TERT: variants seen among roughly 807,000 people sequenced by gnomAD.
The protein encoded by TERT is telomerase catalytic subunit.
A neutral mutation model predicts 104.0 loss-of-function variants in TERT; 42 were observed. The observed-to-expected ratio is 0.40, with a 90% CI of 0.32 to 0.52. TERT has a LOEUF of 0.52. TERT is among the 20% of genes least tolerant of loss of function. The pLI, the probability that TERT is intolerant of heterozygous loss-of-function variation, is 0.43. For synonymous variants in TERT, 781 were observed against 725.6 expected, an observed-to-expected ratio of 1.08 and a Z score of -1.23; for missense variants, 1,101 against 1,610.3, an observed-to-expected ratio of 0.68 and a Z score of 5.41.
rs568561024 is a variant in TERT, at chr5:1,268,952, G to A, written c.2469-319C>T. 7.9e-5 allele frequency among the ~76,000 whole-genome samples: 12 copies of A among 151,780 alleles called. No homozygotes were observed. In the East Asian group the frequency reaches 9.7e-4, roughly 12 times the overall value. On this transcript the variant is annotated intron_variant, in intron 8 of 15. Coordinates refer to ENST00000310581, the MANE Select transcript of TERT (RefSeq NM_198253.3). The surrounding 1 kb of genome is among the most constrained non-coding windows in gnomAD (Gnocchi z 5.5). ...ATTCACAGAACCAGACACTTGACCC[G>A]GAATGAATGCTTAACCGGACTCCTT...
At chr5:1,254,937 T>C (rs34630753) in intron 14 of TERT, among the ~76,000 whole-genome samples, 161 of 152,162 alleles carry the variant, frequency 1.1e-3, no homozygotes, top group South Asian at 4.6e-3. Context: ...ACAAGGGCCC[T>C]AAGTGCCATG....
At position 1,278,815 on chromosome 5, in the gene TERT, G is replaced by A; in HGVS notation, c.2131-19C>T. The A allele has an allele frequency of 1.9e-6, 3 of 1,613,626 alleles. No individual in the cohort carries two copies. Among genetic ancestry groups the A allele is most frequent in the Non-Finnish European group, 1.7e-6 (2 of 1,180,022 alleles). On this transcript the variant is annotated intron_variant, in intron 5 of 15. Transcript: ENST00000310581. Reference sequence around the variant, plus strand: ...CATCCACCTGTGTGAGTGGAGGCGAGGAGACTGACAGTGGCCACGCAGAAA... The same window carrying A: ...CATCCACCTGTGTGAGTGGAGGCGAAGAGACTGACAGTGGCCACGCAGAAA...
At position 1,253,667 on chromosome 5, in the gene TERT, A is replaced by G. The variant is rs1198015833; in HGVS notation, c.*61T>C. ...GGCCGCCCCTCCCTCCCTGGGACGT[A>G]GAGCCCGGCGTGACAGGGCTGCTGG... On this transcript the variant is annotated 3_prime_UTR_variant, in exon 16 of 16. Transcript: ENST00000310581. 6 of 1,445,918 alleles carry G rather than the reference A, an allele frequency of 4.1e-6. No individual in the cohort carries two copies. The African/African-American group carries it at 8.3e-5, about 20-fold the overall frequency. 89.6% of individuals were successfully genotyped at this position (1,445,918 alleles called of 1,614,324 possible). A position where few individuals can be genotyped will look rare whatever the true frequency, so the allele number is the denominator to read the frequency against.
At position 1,278,809 on chromosome 5, in the gene TERT, A is replaced by G; in HGVS notation, c.2131-13T>C. 6 of 1,613,692 alleles carry G rather than the reference A, an allele frequency of 3.7e-6. No individual in the cohort carries two copies. The highest frequency in any genetic ancestry group is 5.1e-6 in the Non-Finnish European group (6 of 1,180,026). On this transcript the variant is annotated splice_polypyrimidine_tract_variant and intron_variant, in intron 5 of 15. Transcript: ENST00000310581. ...CCGTCACATCCACCTGTGTGAGTGG[A>G]GGCGAGGAGACTGACAGTGGCCACG...
Position 1,268,626 on chromosome 5 carries a change from C to T in TERT, c.2476G>A (p.Val826Ile), listed in dbSNP as rs1060503009. 11 of 1,611,534 alleles carry T rather than the reference C, an allele frequency of 6.8e-6. No individual in the cohort carries two copies. Among genetic ancestry groups the T allele is most frequent in the Middle Eastern group, 1.6e-4 (1 of 6,082 alleles). The change falls in exon 9 of 16, where the codon GTC (valine) becomes ATC (isoleucine). Residue 826 changes from valine to isoleucine, a missense_variant. Coordinates refer to ENST00000310581, the MANE Select transcript of TERT (RefSeq NM_198253.3). This position sits in a 1 kb window ranked among gnomAD's most constrained non-coding sequence, Gnocchi z 5.5. ...HAVRIRGKSY[V>I]QCQGIPQGSI... ...CCCTGCGGGATCCCCTGGCACTGGA[C>T]GTAGGACCTGGGGCGGGAAGACACA...
intron 3 of TERT, 70 bp downstream of exon 3, chr5:1,282,359 G>T: frequency 1.3e-6 from 2 of 1,525,946 alleles, no homozygotes; most frequent in Non-Finnish European, 1.8e-6. Flanking sequence ...AGTGGAGACA[G>T]GCGCATGCTG....
At chr5:1,291,925 A>C (rs1022986289) in intron 2 of TERT, among the ~76,000 whole-genome samples, 1 of 152,218 alleles carries the variant, frequency 6.6e-6, no homozygotes, top group Non-Finnish European at 1.5e-5. Flanking sequence ...CATGACGCTT[A>C]TCTGACTCGG....
At chr5:1,281,382 A>AC (rs1750011213) in intron 3 of TERT, among the ~76,000 whole-genome samples, 1 of 151,544 alleles carries the variant, frequency 6.6e-6, no homozygotes, top group South Asian at 2.1e-4. Context: ...GATTTGGGGC[A>AC]TGGGGTGTCA....
In TERT at chr5:1,265,780, T is replaced by G. The variant is rs551954576; in HGVS notation, c.2654+684A>C. On this transcript the variant is annotated intron_variant, in intron 10 of 15. Coordinates refer to ENST00000310581, the MANE Select transcript of TERT (RefSeq NM_198253.3). The surrounding 1 kb of genome is among the most constrained non-coding windows in gnomAD (Gnocchi z 6.9). The stretch of plus-strand genomic sequence containing the variant: ...GGTTCCCTTTACAGCTTTCAAGGTT[T>G]CTCGTCCCTCGTCAAATCGCACTTT... 3.9e-5 allele frequency among the ~76,000 whole-genome samples: 6 copies of G among 152,240 alleles called. No homozygotes were observed. The East Asian group carries it at 1.2e-3, about 29-fold the overall frequency.
intron 2 of TERT, among the ~76,000 whole-genome samples, chr5:1,289,431 C>A (rs1750723580): frequency 9.0e-6 from 1 of 111,184 alleles, no homozygotes; most frequent in Non-Finnish European, 1.9e-5. Context: ...GCGCCTCACT[C>A]ACCCTACACG....
At chr5:1,283,081 C>A in intron 2 of TERT, 1 of 318,660 alleles carries the variant, frequency 3.1e-6, no homozygotes, top group South Asian at 2.5e-5. Context: ...TACAGCACAT[C>A]CAGCTCACCG....
chr5:1,275,521 C>T (rs1457570619), intron 6 of TERT, among the ~76,000 whole-genome samples: 1 of 152,062 alleles, frequency 6.6e-6, no homozygotes, highest in Non-Finnish European at 1.5e-5. Context: ...CCACACACCA[C>T]AGCAGGCACC....
chr5:1,266,633 A>G, intron 9 of TERT, 98 bp from the exon 10 acceptor site: 1 of 1,015,034 alleles, frequency 9.9e-7, no homozygotes, highest in African/African-American at 1.6e-5. Flanking sequence ...CACAGCCATA[A>G]ATAAAGTAAC....
Position 1,270,431 on chromosome 5 carries a change from C to T in TERT, c.2468+688G>A, listed in dbSNP as rs7447741. ...CACTCTCCCCAGGCACACACAGGGT[C>T]GCAGGCAGATGCCTGCCGGGAGGTG... On this transcript the variant is annotated intron_variant, in intron 8 of 15. Coordinates refer to ENST00000310581, the MANE Select transcript of TERT (RefSeq NM_198253.3). This position sits in a 1 kb window ranked among gnomAD's most constrained non-coding sequence, Gnocchi z 8.3. 2.4e-4 allele frequency among the ~76,000 whole-genome samples: 36 copies of T among 152,162 alleles called. No individual in the cohort carries two copies. Among genetic ancestry groups the T allele is most frequent in the African/African-American group, 8.2e-4 (34 of 41,446 alleles).
intron 14 of TERT, 56 bp from the exon 15 acceptor site, chr5:1,254,561 A>G: frequency 6.4e-7 from 1 of 1,562,308 alleles, no homozygotes; most frequent in African/African-American, 1.4e-5. Context: ...CCCTCCCAGG[A>G]GACACCGGAA....
rs929765993 is a variant in TERT at position 1,260,570 on chromosome 5, G to T, written c.2874C>A (p.Leu958=). 3 of 1,614,160 alleles carry T rather than the reference G, an allele frequency of 1.9e-6. No individual in the cohort carries two copies. The highest frequency in any genetic ancestry group is 1.1e-5 in the South Asian group (1 of 91,072). Reference sequence around the variant, plus strand: ...CAGCCTTGAAGCCGCGGTTGAAGGTGAGACTGGCTCTGATGGAGGTCCGGG... The same window carrying T: ...CAGCCTTGAAGCCGCGGTTGAAGGTTAGACTGGCTCTGATGGAGGTCCGGG... ...SYARTSIRAS[L]TFNRGFKAGR... is the part of the protein sequence containing the mutation. The change falls in exon 12 of 16, where the codon CTC becomes CTA. Residue 958 remains leucine (L), a synonymous_variant. Transcript: ENST00000310581.
rs2050231340 is a variant in TERT at position 1,268,410 on chromosome 5, C to T, written c.2582+110G>A. On this transcript the variant is annotated intron_variant, in intron 9 of 15. Transcript: ENST00000310581. This position sits in a 1 kb window ranked among gnomAD's most constrained non-coding sequence, Gnocchi z 5.5. ...GAAGGGGCTGCAACCTTGTCTGGTT[C>T]CTCAAGACAGAGCAGTCATGGTCTC... 3.5e-6 allele frequency: 3 copies of T among 865,566 alleles called. No homozygotes were observed. The highest frequency in any genetic ancestry group is 2.1e-5 in the Admixed American group (1 of 47,800). The allele number at this position is 865,566 out of a possible 1,614,324, so 53.6% of individuals were successfully genotyped here.
Position 1,293,554 on chromosome 5 carries a change from G to T in TERT, c.1332C>A (p.Asp444Glu), listed in dbSNP as rs748983668. The change falls in exon 2 of 16, where the codon GAC becomes GAA. Residue 444 changes from aspartate to glutamate, a missense_variant. Physicochemically the swap from Asp to Glu is conservative, Grantham distance 45. Transcript: ENST00000310581. The part of the protein sequence containing the change: ...SVAAPEEEDT[D>E]PRRLVQLLRQ... Reference sequence around the variant, plus strand: ...GGAGCAGCTGCACCAGGCGACGGGGGTCTGTGTCCTCCTCCTCGGGGGCCG... The same window carrying T: ...GGAGCAGCTGCACCAGGCGACGGGGTTCTGTGTCCTCCTCCTCGGGGGCCG... 6.5e-7 allele frequency: 1 copy of T among 1,548,514 alleles called. No homozygotes were observed. The highest frequency in any genetic ancestry group is 1.4e-5 in the African/African-American group (1 of 73,212).
chr5:1,293,291 T>G, intron 2 of TERT, 22 bp downstream of exon 2: 2 of 1,611,444 alleles, frequency 1.2e-6, no homozygotes, highest in Non-Finnish European at 1.7e-6. Flanking sequence ...GCCTGGGCCC[T>G]CGACGGCCAC....
Sources: gnomAD v4.1 joint callset for allele counts (sites outside exome capture counted in the v4.1 genomes callset) on GRCh38, gnomAD v4.1.1 for gene constraint, Gnocchi (gnomAD v3.1) non-coding constraint, MANE v1.5 for transcripts, NCBI Gene and HGNC (gene_info 2026-07-23, HGNC 2026-07-21) for gene names.